Variants in EHMT1 observed in about 807,000 individuals in gnomAD.
The protein encoded by EHMT1 is euchromatic histone lysine methyltransferase 1, also known as histone-lysine N-methyltransferase EHMT1.
Under a neutral mutation model 147.2 loss-of-function variants are expected in EHMT1, and 15 were observed. The ratio of observed to expected loss-of-function variants is 0.10; its 90% confidence interval spans 0.07 to 0.16. The LOEUF (loss-of-function observed/expected upper bound fraction) is 0.16, where lower values mean the gene tolerates loss of function less well. Among genes scored for constraint, EHMT1 ranks in the 10% least tolerant of loss-of-function variants. The pLI is 1.00. For synonymous variants in EHMT1, 795 were observed against 709.6 expected, an observed-to-expected ratio of 1.12 and a Z score of -1.91; for missense variants, 1,587 against 1,772.4, an observed-to-expected ratio of 0.90 and a Z score of 1.88.
intron 1 of EHMT1, among the ~76,000 whole-genome samples, chr9:137,631,296 G>A (rs1843614468): frequency 6.6e-6 from 1 of 152,148 alleles, no homozygotes; most frequent in African/African-American, 2.4e-5. Context: ...GGAGGCTGAG[G>A]CAGGAGAATC....
intron 18 of EHMT1, among the ~76,000 whole-genome samples, chr9:137,808,664 C>T (rs1954153602): frequency 2.2e-5 from 2 of 91,166 alleles, no homozygotes; most frequent in African/African-American, 1.2e-4. Context: ...AAATGTAATT[C>T]TGGGCGGGGG....
intron 1 of EHMT1, among the ~76,000 whole-genome samples, chr9:137,688,817 GGT>G (rs1158106399): frequency 6.6e-6 from 1 of 152,192 alleles, no homozygotes; most frequent in Non-Finnish European, 1.5e-5. Flanking sequence ...ATGGACAGCA[GGT>G]GTGTGAAGGT....
chr9:137,669,889 C>A (rs775115488), intron 1 of EHMT1, among the ~76,000 whole-genome samples: 2 of 151,950 alleles, frequency 1.3e-5, no homozygotes, highest in African/African-American at 2.4e-5. Context: ...CTTGCTCTGT[C>A]GCCCAGGGTG....
intron 1 of EHMT1, among the ~76,000 whole-genome samples, chr9:137,710,362 A>G (rs2135375706): frequency 6.6e-6 from 1 of 152,180 alleles, no homozygotes; most frequent in East Asian, 1.9e-4. Context: ...AGTCCCAGCT[A>G]CTCAGGTGGG....
chr9:137,777,848 T>C lies in EHMT1; in HGVS notation c.2019-34T>C, dbSNP rs375387606. ...GTCGGAACAGGCCATGTTTCGTGTT[T>C]TCATAAACCTTTCCCCGATTTCCTC... On this transcript the variant is annotated intron_variant, in intron 12 of 26. Transcript: ENST00000460843. The C allele has an allele frequency of 1.6e-5, 25 of 1,610,438 alleles. No homozygotes were observed. The East Asian group carries it at 2.2e-4, about 14-fold the overall frequency.
intron 1 of EHMT1, among the ~76,000 whole-genome samples, chr9:137,669,078 G>C (rs1474240290): frequency 6.6e-6 from 1 of 152,106 alleles, no homozygotes; most frequent in Non-Finnish European, 1.5e-5. Context: ...GTACAGACGG[G>C]GTTTCACCAT....
chr9:137,635,531 A>G (rs1320836216), intron 1 of EHMT1, among the ~76,000 whole-genome samples: 2 of 150,078 alleles, frequency 1.3e-5, no homozygotes, highest in Non-Finnish European at 3.0e-5. Flanking sequence ...TTTCTTTAAC[A>G]TTTTCAGAGC....
At chr9:137,742,376 T>A (rs1380516352) in intron 4 of EHMT1, among the ~76,000 whole-genome samples, 1 of 150,538 alleles carries the variant, frequency 6.6e-6, no homozygotes, top group Non-Finnish European at 1.5e-5. Flanking sequence ...GGGCTTGAAC[T>A]CCTGGAATGA....
At chr9:137,689,859 T>G (rs1160324304) in intron 1 of EHMT1, among the ~76,000 whole-genome samples, 3 of 152,158 alleles carry the variant, frequency 2.0e-5, no homozygotes, top group African/African-American at 7.2e-5. Flanking sequence ...ACTGCAGTTG[T>G]GGGGGCCAGC....
At chr9:137,801,589 C>T (rs946091878) in intron 18 of EHMT1, among the ~76,000 whole-genome samples, 3 of 152,206 alleles carry the variant, frequency 2.0e-5, no homozygotes, top group African/African-American at 7.2e-5. Context: ...ACCTCCACCT[C>T]CCGGGTTTAA....
intron 1 of EHMT1, among the ~76,000 whole-genome samples, chr9:137,679,102 C>T (rs540401026): frequency 1.6e-4 from 24 of 152,224 alleles, no homozygotes; most frequent in African/African-American, 5.5e-4. Flanking sequence ...TACAGGCACA[C>T]GCCATGCCCA....
intron 9 of EHMT1, among the ~76,000 whole-genome samples, chr9:137,761,406 G>C (rs1047966162): frequency 6.6e-6 from 1 of 152,204 alleles, no homozygotes; most frequent in Non-Finnish European, 1.5e-5. Context: ...TTTAGTCTTG[G>C]TCTCCATTTT....
At chr9:137,623,207 C>T (rs1209312735) in intron 1 of EHMT1, among the ~76,000 whole-genome samples, 5 of 148,470 alleles carry the variant, frequency 3.4e-5, no homozygotes, top group South Asian at 2.1e-4. Context: ...AGCAAGACTC[C>T]GTCTCAAAAA....
chr9:137,720,598 C>T (rs1207984720), intron 3 of EHMT1, among the ~76,000 whole-genome samples: 2 of 152,150 alleles, frequency 1.3e-5, no homozygotes, highest in East Asian at 1.9e-4. Context: ...CCAACGTGCC[C>T]GGCCTATTTC....
In EHMT1 at chr9:137,626,050, A is replaced by G. The variant is rs929596632; in HGVS notation, c.21+7001A>G. Among the ~76,000 whole-genome samples, 914 of 142,554 alleles carry G rather than the reference A, an allele frequency of 6.4e-3. 10 individuals are homozygous for G. The highest frequency in any genetic ancestry group is 0.022 in the African/African-American group (859 of 38,614). The allele number at this position is 142,554 out of a possible 152,430, so 93.5% of individuals were successfully genotyped here. A position where few individuals can be genotyped will look rare whatever the true frequency, so the allele number is the denominator to read the frequency against. ...TTGTATTTTTTTTTTTTTTTTTAGT[A>G]GAGTTGGGGTTTCTGCATGTTGGTC... On this transcript the variant is annotated intron_variant, in intron 1 of 26. Coordinates refer to ENST00000460843, the MANE Select transcript of EHMT1 (RefSeq NM_024757.5).
intron 4 of EHMT1, chr9:137,738,794 A>G (rs1947789513): frequency 6.6e-6 from 1 of 152,246 alleles, no homozygotes; most frequent in Admixed American, 6.5e-5. Context: ...GTCAGCCACA[A>G]AAGAACAAAT....
intron 3 of EHMT1, among the ~76,000 whole-genome samples, chr9:137,724,282 G>A (rs1449387924): frequency 3.0e-4 from 38 of 126,790 alleles, no homozygotes; most frequent in African/African-American, 8.1e-4. Context: ...CCCCACCCCC[G>A]CCCTGCCAGG....
chr9:137,729,371 G>A (rs1366086136), intron 4 of EHMT1, among the ~76,000 whole-genome samples: 7 of 152,130 alleles, frequency 4.6e-5, no homozygotes, highest in Admixed American at 3.9e-4. Flanking sequence ...GGTGGATCAC[G>A]AGATCAGGAG....
chr9:137,673,006 C>G (rs538799732), intron 1 of EHMT1, among the ~76,000 whole-genome samples: 1 of 152,326 alleles, frequency 6.6e-6, no homozygotes, highest in African/African-American at 2.4e-5. Context: ...CAAGGTGGTG[C>G]TTTTGTTCTA....
Sources: gnomAD v4.1 joint callset for allele counts (sites outside exome capture counted in the v4.1 genomes callset) on GRCh38, gnomAD v4.1.1 for gene constraint, MANE v1.5 for transcripts, NCBI Gene and HGNC (gene_info 2026-07-23, HGNC 2026-07-21) for gene names.